Variants in UTRN observed in about 807,000 individuals in gnomAD.
The protein encoded by UTRN is utrophin.
In UTRN, 283 loss-of-function variants were observed where a neutral mutation model predicts 463.9. That is an observed-to-expected ratio of 0.61 (90% CI 0.55 to 0.67). UTRN has a LOEUF of 0.67. Among genes scored for constraint, UTRN ranks in the 30% least tolerant of loss-of-function variants. The pLI is 0.00. For synonymous variants in UTRN, 1,442 were observed against 1,431.5 expected, an observed-to-expected ratio of 1.01 and a Z score of -0.17; for missense variants, 3,922 against 4,084.3, an observed-to-expected ratio of 0.96 and a Z score of 1.08.
intron 2 of UTRN, among the ~76,000 whole-genome samples, chr6:144,300,333 AC>A (rs574925361): frequency 4.6e-5 from 7 of 152,028 alleles, no homozygotes; most frequent in Non-Finnish European, 1.0e-4. Context: ...CAAGTGATCT[AC>A]CCACCTCAGC....
intron 13 of UTRN, among the ~76,000 whole-genome samples, chr6:144,441,024 T>A (rs1451886830): frequency 1.3e-5 from 2 of 152,148 alleles, no homozygotes; most frequent in Non-Finnish European, 2.9e-5. Context: ...TACCTCCCAC[T>A]GGGTTCCTCA....
intron 2 of UTRN, among the ~76,000 whole-genome samples, chr6:144,310,115 A>T (rs956249257): frequency 2.0e-5 from 3 of 152,262 alleles, no homozygotes; most frequent in African/African-American, 7.2e-5. Flanking sequence ...AATCACTAGT[A>T]TCTAGAACAG....
At chr6:144,785,734 C>A (rs966211533) in intron 61 of UTRN, among the ~76,000 whole-genome samples, 1 of 152,012 alleles carries the variant, frequency 6.6e-6, no homozygotes, top group Non-Finnish European at 1.5e-5. Context: ...ATAAAAATAT[C>A]CACTCTGCTT....
chr6:144,289,947 C>A (rs187140368), intron 1 of UTRN, among the ~76,000 whole-genome samples: 1 of 151,552 alleles, frequency 6.6e-6, no homozygotes, highest in African/African-American at 2.5e-5. Flanking sequence ...AGCCACCTTG[C>A]CCGGCCTAGT....
rs564684317 is a variant in UTRN, at chr6:144,758,167, T to C, written c.8495+178T>C. The C allele has an allele frequency of 5.4e-5, 28 of 520,954 alleles. 1 individual carries two copies. Among genetic ancestry groups the C allele is most frequent in the Middle Eastern group, 1.0e-3 (2 of 2,002 alleles). 32.3% of individuals were successfully genotyped at this position (520,954 alleles called of 1,614,324 possible). The stretch of plus-strand genomic sequence containing the variant: ...TTTAACATGAGAATTATATTTTTCA[T>C]GTATCAGATTAGGGATATAGGTGTG... On this transcript the variant is annotated intron_variant, in intron 58 of 74. Coordinates refer to ENST00000367545, the MANE Select transcript of UTRN (RefSeq NM_007124.3).
At chr6:144,443,682 A>T (rs775765463) in intron 13 of UTRN, among the ~76,000 whole-genome samples, 1 of 152,062 alleles carries the variant, frequency 6.6e-6, no homozygotes, top group Non-Finnish European at 1.5e-5. Flanking sequence ...TACTAGTAAG[A>T]TTCTATTGCT....
chr6:144,450,691 G>A (rs1384726263), intron 17 of UTRN, among the ~76,000 whole-genome samples: 1 of 152,170 alleles, frequency 6.6e-6, no homozygotes, highest in Non-Finnish European at 1.5e-5. Context: ...TTGAACAAAA[G>A]AAGATGTTAA....
At chr6:144,683,923 TCAA>T (rs1782467442) in intron 52 of UTRN, among the ~76,000 whole-genome samples, 1 of 152,170 alleles carries the variant, frequency 6.6e-6, no homozygotes, top group South Asian at 2.1e-4. Context: ...TCTCCATCTT[TCAA>T]CAACATCTCC....
chr6:144,596,710 T>A (rs919959289), intron 51 of UTRN, among the ~76,000 whole-genome samples: 2 of 152,140 alleles, frequency 1.3e-5, no homozygotes, highest in African/African-American at 4.8e-5. Flanking sequence ...AGCTGTTGAG[T>A]CTGGTTGTCA....
intron 51 of UTRN, among the ~76,000 whole-genome samples, chr6:144,664,123 GAGAAATTACAT>G (rs1167747985): frequency 3.3e-5 from 5 of 152,132 alleles, no homozygotes; most frequent in African/African-American, 1.2e-4. Flanking sequence ...GTCTCTCCTG[GAGAAATTACAT>G]TTAAACTGAG....
At chr6:144,746,496 T>G (rs770805787) in intron 54 of UTRN, among the ~76,000 whole-genome samples, 2 of 152,014 alleles carry the variant, frequency 1.3e-5, no homozygotes, top group Non-Finnish European at 2.9e-5. Flanking sequence ...TTATTTTTAT[T>G]TTTTTGAGAT....
intron 35 of UTRN, among the ~76,000 whole-genome samples, chr6:144,512,039 T>G (rs994502799): frequency 2.0e-5 from 3 of 152,172 alleles, no homozygotes; most frequent in Non-Finnish European, 4.4e-5. Flanking sequence ...AGCATGGGCT[T>G]TGCTCTTGAT....
chr6:144,788,404 G>A lies in UTRN; in HGVS notation c.8835-790G>A, dbSNP rs560993737. On this transcript the variant is annotated intron_variant, in intron 61 of 74. Coordinates refer to ENST00000367545, the MANE Select transcript of UTRN (RefSeq NM_007124.3). Reference sequence around the variant, plus strand: ...CCAATTAGTATTCAGCAAGTTGTAAGCTCTTAGTATATAGTTAATTTTCTA... The same window carrying A: ...CCAATTAGTATTCAGCAAGTTGTAAACTCTTAGTATATAGTTAATTTTCTA... Among the ~76,000 whole-genome samples, 218 of 152,080 alleles carry A rather than the reference G, an allele frequency of 1.4e-3. 1 individual carries two copies. Among genetic ancestry groups the A allele is most frequent in the African/African-American group, 5.0e-3 (208 of 41,470 alleles).
intron 2 of UTRN, among the ~76,000 whole-genome samples, chr6:144,331,177 G>T (rs1224569306): frequency 6.6e-6 from 1 of 152,160 alleles, no homozygotes; most frequent in Non-Finnish European, 1.5e-5. Flanking sequence ...GTTTTTAAAA[G>T]ACGTTTTTTC....
chr6:144,562,161 G>T (rs1799984454), intron 50 of UTRN, among the ~76,000 whole-genome samples: 1 of 152,054 alleles, frequency 6.6e-6, no homozygotes, highest in Non-Finnish European at 1.5e-5. Context: ...GGGAAGAAAA[G>T]ATACGGAATT....
rs75674645 is a variant in UTRN at position 144,456,030 on chromosome 6, G to A, written c.2284+2161G>A. 8.5e-4 allele frequency among the ~76,000 whole-genome samples: 130 copies of A among 152,202 alleles called. 1 individual carries two copies. The highest frequency in any genetic ancestry group is 7.9e-3 in the East Asian group (41 of 5,166). On this transcript the variant is annotated intron_variant, in intron 19 of 74. Transcript: ENST00000367545. ...AGTTTGTATTATCATGTTTTTTCAAGCATTGGTGGAATTAGAAATGCATTC... is the reference window on the plus strand; with the variant it reads ...AGTTTGTATTATCATGTTTTTTCAAACATTGGTGGAATTAGAAATGCATTC...
chr6:144,733,346 G>A (rs931616882), intron 54 of UTRN, among the ~76,000 whole-genome samples: 3 of 152,028 alleles, frequency 2.0e-5, no homozygotes, highest in East Asian at 1.9e-4. Flanking sequence ...GTGAAACCCC[G>A]TCTCTACTAA....
rs183649607 is a variant in UTRN, at chr6:144,445,363, A to C, written c.1614+981A>C. Among the ~76,000 whole-genome samples the C allele has an allele frequency of 9.2e-5, 14 of 151,444 alleles. 1 individual carries two copies. The East Asian group carries it at 2.5e-3, about 27-fold the overall frequency. ...CGAGACTCCCTCTCAAAAAAAAAAAAAAAAAAGCAAATACTCTATTCCCAC... is the reference window on the plus strand; with the variant it reads ...CGAGACTCCCTCTCAAAAAAAAAAACAAAAAAGCAAATACTCTATTCCCAC... On this transcript the variant is annotated intron_variant, in intron 14 of 74. Transcript: ENST00000367545.
chr6:144,741,521 G>A (rs532551546), intron 54 of UTRN, among the ~76,000 whole-genome samples: 2 of 152,142 alleles, frequency 1.3e-5, no homozygotes, highest in South Asian at 2.1e-4. Context: ...GGATACAGTA[G>A]TAGGCAAAAC....
Sources: allele counts gnomAD v4.1 joint callset (sites outside exome capture counted in the v4.1 genomes callset), GRCh38; gene constraint gnomAD v4.1.1; transcripts MANE v1.5; gene names NCBI Gene and HGNC (gene_info 2026-07-23, HGNC 2026-07-21).